The following IKBIP variants were observed in gnomAD, a reference collection of about 807,000 sequenced individuals.
IKBIP encodes the protein IKBKB interacting protein.
Under a neutral mutation model 31.0 loss-of-function variants are expected in IKBIP, and 28 were observed. The observed-to-expected ratio is 0.90, with a 90% confidence interval of 0.67 to 1.24. The LOEUF (loss-of-function observed/expected upper bound fraction) is 1.24, where lower values mean the gene tolerates loss of function less well. Among genes scored for constraint, IKBIP ranks in the 50% most tolerant of loss-of-function variants. The pLI, the probability that IKBIP is intolerant of heterozygous loss-of-function variation, is 0.00. For missense variants in IKBIP, 453 were observed against 441.9 expected (o/e 1.03, Z -0.23); for synonymous variants, 164 against 160.3 (o/e 1.02, Z -0.17).
Position 98,644,654 on chromosome 12 carries a change from A to G in IKBIP, c.48T>C (p.Pro16=), listed in dbSNP as rs1352300856. 1.9e-6 allele frequency: 3 copies of G among 1,611,058 alleles called. No individual in the cohort carries two copies. Among genetic ancestry groups the G allele is most frequent in the Non-Finnish European group, 2.5e-6 (3 of 1,179,370 alleles). The part of the protein sequence containing the change: ...SRKKSGPKGA[P]AAEPGKRSEG... ...CGCTCCGCTTCCCGGGCTCCGCAGC[A>G]GGGGCTCCCTTGGGCCCCGACTTCT... Residue 16 remains proline (P), a synonymous_variant, in exon 1 of 3, where the codon CCT becomes CCC. Transcript: ENST00000299157.
At chr12:98,621,093 C>T (rs2097609834), downstream of IKBIP, among the ~76,000 whole-genome samples, 1 of 151,908 alleles carries the variant, frequency 6.6e-6, no homozygotes, top group Non-Finnish European at 1.5e-5. Flanking sequence ...ACTAAAAATA[C>T]AAAAAATGAG....
chr12:98,620,876 ATAAG>A (rs2097609612), downstream of IKBIP, among the ~76,000 whole-genome samples: 1 of 151,834 alleles, frequency 6.6e-6, no homozygotes, highest in African/African-American at 2.4e-5. Context: ...AAAAGGGTAA[ATAAG>A]TAAATAAAAC....
chr12:98,635,722 A>G (rs1247165268), intron 1 of IKBIP, among the ~76,000 whole-genome samples: 1 of 152,244 alleles, frequency 6.6e-6, no homozygotes, highest in African/African-American at 2.4e-5. Context: ...AGAAGAGTTG[A>G]CTGATAAAAA....
chr12:98,615,522 G>A (rs2097605804), intron 2 of IKBIP, among the ~76,000 whole-genome samples: 1 of 152,080 alleles, frequency 6.6e-6, no homozygotes, highest in Non-Finnish European at 1.5e-5. Context: ...GAGCCATCGC[G>A]CCCGGCCTCT....
rs150453279 is a variant in IKBIP, at chr12:98,614,102, A to G, written c.536T>C (p.Ile179Thr). ...AGTTACTAAACCTGAAATCCGTCGT[A>G]TATCTGTTTTTACACTTGTAATCTT... is the stretch of plus-strand genomic sequence containing the variant. The change falls in exon 3 of 3, where the codon ATA (isoleucine) becomes ACA (threonine). Residue 179 changes from isoleucine to threonine, a missense_variant. Transcript: ENST00000342502. 9.2e-5 allele frequency: 148 copies of G among 1,613,034 alleles called. 1 individual carries two copies. Among genetic ancestry groups the G allele is most frequent in the Middle Eastern group, 3.3e-4 (2 of 6,080 alleles).
In IKBIP at chr12:98,626,419, T is replaced by C; in HGVS notation, c.645A>G (p.Thr215=). Reference sequence around the variant, plus strand: ...GATCTTCTTCTTCTTGTCTTTTTACTGTTCTAATATTTCTTAGTGTGCTAT... The same window carrying C: ...GATCTTCTTCTTCTTGTCTTTTTACCGTTCTAATATTTCTTAGTGTGCTAT... ...LEDSTLRNIR[T]VKRQEEEDLL... The change falls in exon 3 of 3, where the codon ACA becomes ACG. Residue 215 remains threonine, a synonymous_variant. Transcript: ENST00000299157. 1.2e-6 allele frequency: 2 copies of C among 1,613,424 alleles called. No individual in the cohort carries two copies. Among genetic ancestry groups the C allele is most frequent in the Non-Finnish European group, 8.5e-7 (1 of 1,180,028 alleles).
downstream of IKBIP, among the ~76,000 whole-genome samples, chr12:98,621,080 T>G (rs149496647): frequency 6.6e-6 from 1 of 151,956 alleles, no homozygotes; most frequent in Non-Finnish European, 1.5e-5. Context: ...AAACCCCATC[T>G]CTACTAAAAA....
intron 2 of IKBIP, among the ~76,000 whole-genome samples, chr12:98,618,591 A>G (rs976412071): frequency 2.0e-5 from 3 of 149,668 alleles, no homozygotes; most frequent in Non-Finnish European, 4.4e-5. Flanking sequence ...GTGCCACTGC[A>G]CTCCAGCCTG....
intron 2 of IKBIP, among the ~76,000 whole-genome samples, chr12:98,617,995 C>T (rs1209701448): frequency 1.3e-5 from 2 of 152,142 alleles, no homozygotes; most frequent in Non-Finnish European, 2.9e-5. Flanking sequence ...CAAGAACAGT[C>T]TCTGCTTTTA....
chr12:98,632,512 A>AAAATATATATAT (rs1565842287), intron 2 of IKBIP, among the ~76,000 whole-genome samples: 1 of 22,794 alleles, frequency 4.4e-5, no homozygotes, highest in Non-Finnish European at 7.2e-5. Context: ...AAAAAAAAAA[A>AAAATATATATAT]ATATATATAT....
intron 2 of IKBIP, among the ~76,000 whole-genome samples, chr12:98,630,450 G>T (rs925195158): frequency 2.6e-5 from 3 of 115,134 alleles, no homozygotes; most frequent in East Asian, 6.1e-4. Flanking sequence ...TGTTTTCAAA[G>T]AATTTGTATA....
chr12:98,630,338 TC>T (rs903454264), intron 2 of IKBIP, among the ~76,000 whole-genome samples: 4 of 115,190 alleles, frequency 3.5e-5, no homozygotes, highest in Non-Finnish European at 4.9e-5. Flanking sequence ...TGACCAGATC[TC>T]CCCACTGCAC....
At chr12:98,635,115 C>A (rs890646073) in intron 1 of IKBIP, among the ~76,000 whole-genome samples, 1 of 151,968 alleles carries the variant, frequency 6.6e-6, no homozygotes, top group Non-Finnish European at 1.5e-5. Context: ...AAGCGATTCT[C>A]CTCCTCAGCC....
chr12:98,643,203 G>A (rs1040564799), intron 1 of IKBIP, among the ~76,000 whole-genome samples: 47 of 152,034 alleles, frequency 3.1e-4, no homozygotes, highest in African/African-American at 9.9e-4. Flanking sequence ...TGCCCACCTC[G>A]GCCTCCCAAA....
chr12:98,619,983 A>G (rs1006715240), downstream of IKBIP, among the ~76,000 whole-genome samples: 2 of 150,754 alleles, frequency 1.3e-5, no homozygotes, highest in Admixed American at 6.6e-5. Flanking sequence ...CAGTGGTGCA[A>G]TCTCTGCTCA....
chr12:98,628,674 T>A (rs996023103), intron 2 of IKBIP, among the ~76,000 whole-genome samples: 1 of 152,210 alleles, frequency 6.6e-6, no homozygotes, highest in African/African-American at 2.4e-5. Context: ...GCCAGCCTTG[T>A]GTGAGACAGT....
In IKBIP at chr12:98,626,235, C is replaced by T. The variant is rs2097614135; in HGVS notation, c.829G>A (p.Glu277Lys). Residue 277 changes from glutamate (E) to lysine (K), a missense_variant, in exon 3 of 3, where the codon GAA becomes AAA. Glu to Lys is a moderately conservative substitution (Grantham distance 56, BLOSUM62 1). Coordinates refer to ENST00000299157, the MANE Select transcript of IKBIP (RefSeq NM_153687.4). Reference sequence around the variant, plus strand: ...CTGAGAACAGAGTGAATAGCACTTTCAATTGTTGGCAAATGTGTCTTGCAT... The same window carrying T: ...CTGAGAACAGAGTGAATAGCACTTTTAATTGTTGGCAAATGTGTCTTGCAT... The part of the protein sequence containing the change: ...EECKTHLPTI[E>K]SAIHSVLRVS... 5 of 1,614,132 alleles carry T rather than the reference C, an allele frequency of 3.1e-6. No homozygotes were observed. Among genetic ancestry groups the T allele is most frequent in the Non-Finnish European group, 4.2e-6 (5 of 1,180,008 alleles).
At chr12:98,630,459 T>C (rs757631099) in intron 2 of IKBIP, among the ~76,000 whole-genome samples, 1 of 142,004 alleles carries the variant, frequency 7.0e-6, no homozygotes. Context: ...AGAATTTGTA[T>C]ATAAAGTAAG....
At chr12:98,642,890 C>A (rs2097631886) in intron 1 of IKBIP, among the ~76,000 whole-genome samples, 1 of 151,930 alleles carries the variant, frequency 6.6e-6, no homozygotes, top group Non-Finnish European at 1.5e-5. Flanking sequence ...TGAGCCACTG[C>A]CGGCAGGCTG....
Sources: allele counts gnomAD v4.1 joint callset (sites outside exome capture counted in the v4.1 genomes callset), GRCh38; gene constraint gnomAD v4.1.1; transcripts MANE v1.5; gene names NCBI Gene and HGNC (gene_info 2026-07-23, HGNC 2026-07-21).